The following HSPA12A variants were observed in gnomAD, a reference collection of about 807,000 sequenced individuals.
HSPA12A encodes the protein heat shock 70 kDa protein 12A.
HSPA12A carries 28 observed loss-of-function variants against 69.2 expected under a neutral mutation model. The observed-to-expected ratio is 0.40, with a 90% CI of 0.30 to 0.55. The LOEUF (loss-of-function observed/expected upper bound fraction) is 0.55, where lower values mean the gene tolerates loss of function less well. Ranked by LOEUF, HSPA12A falls within the 20% of genes least tolerant of loss-of-function variation. The pLI is 0.38. For missense variants in HSPA12A, 686 were observed against 900.7 expected, an observed-to-expected ratio of 0.76 and a Z score of 3.05; for synonymous variants, 345 against 370.5, an observed-to-expected ratio of 0.93 and a Z score of 0.79.
chr10:116,753,826 G>A (rs782719503), intron 2 of HSPA12A, among the ~76,000 whole-genome samples: 3 of 152,268 alleles, frequency 2.0e-5, no homozygotes, highest in East Asian at 1.9e-4. Context: ...AGTCTGGCAC[G>A]TGGTACCCAC....
At chr10:116,846,336 T>TTTTTTTTG (rs1297468852) in intron 1 of HSPA12A, among the ~76,000 whole-genome samples, 6 of 151,424 alleles carry the variant, frequency 4.0e-5, no homozygotes, top group Non-Finnish European at 7.4e-5. Flanking sequence ...CTTTTCTTTT[T>TTTTTTTTG]TTTTTTTGTT....
intron 4 of HSPA12A, among the ~76,000 whole-genome samples, chr10:116,700,282 C>T (rs192084118): frequency 5.3e-5 from 8 of 152,290 alleles, no homozygotes; most frequent in Admixed American, 4.6e-4. Flanking sequence ...GAATAAAATG[C>T]TTAACTCAAA....
At chr10:116,792,193 A>G (rs1226951518) in intron 2 of HSPA12A, among the ~76,000 whole-genome samples, 1 of 145,448 alleles carries the variant, frequency 6.9e-6, no homozygotes, top group East Asian at 2.1e-4. Flanking sequence ...TCACGTAAGC[A>G]TGTGAGTGGG....
chr10:116,695,539 G>C (rs539369274), intron 5 of HSPA12A, among the ~76,000 whole-genome samples: 1 of 151,076 alleles, frequency 6.6e-6, no homozygotes, highest in South Asian at 2.1e-4. Context: ...AAAATTGGCC[G>C]GGCGCGGTGG....
chr10:116,705,173 G>A lies in HSPA12A; in HGVS notation c.232C>T (p.Pro78Ser), dbSNP rs1564787694. Residue 78 changes from proline (P) to serine (S), a missense_variant, in exon 3 of 12, where the codon CCG becomes TCG. By Grantham distance (74) the Pro-to-Ser change is moderately conservative (BLOSUM62 -1). Coordinates refer to ENST00000369209, the MANE Select transcript of HSPA12A (RefSeq NM_025015.3). ...SGYAYSFTKE[P>S]ECIHVMRRWE... ...CACCTCATCACATGGATGCATTCCG[G>A]CTCCTTGGTGAAGCTGTAGGCATAG... The A allele has an allele frequency of 6.2e-7, 1 of 1,614,178 alleles. No homozygotes were observed. Among genetic ancestry groups the A allele is most frequent in the Admixed American group, 1.7e-5 (1 of 60,036 alleles).
At chr10:116,826,891 C>G (rs575785999) in intron 2 of HSPA12A, among the ~76,000 whole-genome samples, 1 of 152,132 alleles carries the variant, frequency 6.6e-6, no homozygotes, top group Non-Finnish European at 1.5e-5. Context: ...CTCCTAAAAC[C>G]CAATGAGGCG....
chr10:116,761,316 T>A, intron 2 of HSPA12A, among the ~76,000 whole-genome samples: 1 of 152,000 alleles, frequency 6.6e-6, no homozygotes, highest in East Asian at 1.9e-4. Flanking sequence ...TGAAACACCG[T>A]CTCTACTAAA....
In HSPA12A at chr10:116,753,291, G is replaced by A. The variant is rs569907017; in HGVS notation, c.92-46006C>T. On this transcript the variant is annotated intron_variant, in intron 2 of 12. Coordinates refer to the HSPA12A transcript ENST00000635765. ...CTGTGTCCCATTCAGCCTCTTTCCA[G>A]GACATCCCTCTTCCTGGGTAAGGAC... is the stretch of plus-strand genomic sequence containing the variant. Among the ~76,000 whole-genome samples the A allele has an allele frequency of 4.6e-5, 7 of 152,272 alleles. No homozygotes were observed. In the South Asian group the frequency reaches 1.4e-3, roughly 32 times the overall value.
Position 116,681,841 on chromosome 10 carries a change from G to T in HSPA12A, c.872C>A (p.Thr291Asn), listed in dbSNP as rs782415580. Residue 291 changes from threonine to asparagine, a missense_variant, in exon 8 of 12, where the codon ACC becomes AAC. Transcript: ENST00000369209. ...EHIRRNRQSR[T>N]FLVENVIGEI... ...TCCTATGACATTCTCCACCAAAAAG[G>T]TCCGACTCTGCCGATTACGCCGTAT... 6.2e-7 allele frequency: 1 copy of T among 1,614,100 alleles called. No homozygotes were observed. Among genetic ancestry groups the T allele is most frequent in the South Asian group, 1.1e-5 (1 of 91,072 alleles).
intron 2 of HSPA12A, among the ~76,000 whole-genome samples, chr10:116,767,886 CACGTGT>C (rs1295873803): frequency 3.9e-5 from 6 of 152,290 alleles, no homozygotes; most frequent in African/African-American, 1.2e-4. Context: ...CTCTTCTAAT[CACGTGT>C]ACCCCCAGTA....
chr10:116,813,512 G>A (rs1334933064), intron 2 of HSPA12A, among the ~76,000 whole-genome samples: 1 of 151,960 alleles, frequency 6.6e-6, no homozygotes, highest in African/African-American at 2.4e-5. Flanking sequence ...CTCCCAAAGT[G>A]CTGGGATTAC....
intron 2 of HSPA12A, chr10:116,834,845 C>T (rs990927225): frequency 1.5e-6 from 1 of 670,756 alleles, no homozygotes; most frequent in Non-Finnish European, 2.1e-6. Flanking sequence ...CAGTTTTAAA[C>T]ATACCTAGTC....
chr10:116,757,759 G>A (rs562931872), intron 2 of HSPA12A, among the ~76,000 whole-genome samples: 4 of 152,250 alleles, frequency 2.6e-5, no homozygotes, highest in African/African-American at 9.6e-5. Context: ...AAGATTAAAC[G>A]AGTTCATACA....
chr10:116,700,724 C>T (rs902343525), intron 4 of HSPA12A, among the ~76,000 whole-genome samples: 3 of 152,190 alleles, frequency 2.0e-5, no homozygotes, highest in African/African-American at 7.2e-5. Context: ...TTCAGAATAT[C>T]TCCCTGCCCA....
intron 2 of HSPA12A, 83 bp from the exon 3 acceptor site, chr10:116,705,361 C>A: frequency 6.7e-7 from 1 of 1,489,866 alleles, no homozygotes; most frequent in Non-Finnish European, 9.3e-7. Context: ...TCTCACCTTG[C>A]CTAGCTGTGA....
In HSPA12A at chr10:116,839,921, T is replaced by C. The variant is rs536111586; in HGVS notation, c.4-4899A>G. ...AAGAAGGTTAGTGCCTTTTTTTTTTTCTTTAGTATTGGGGCTTGAAAGAAT... is the reference window on the plus strand; with the variant it reads ...AAGAAGGTTAGTGCCTTTTTTTTTTCCTTTAGTATTGGGGCTTGAAAGAAT... On this transcript the variant is annotated intron_variant, in intron 1 of 12. Coordinates refer to the HSPA12A transcript ENST00000635765. Among the ~76,000 whole-genome samples the C allele has an allele frequency of 7.7e-4, 117 of 152,142 alleles. 1 individual carries two copies. Among genetic ancestry groups the C allele is most frequent in the African/African-American group, 2.8e-3 (116 of 41,522 alleles).
chr10:116,760,139 C>A (rs1217056577), intron 2 of HSPA12A, among the ~76,000 whole-genome samples: 2 of 152,208 alleles, frequency 1.3e-5, no homozygotes, highest in Non-Finnish European at 2.9e-5. Context: ...GAAGGATGAG[C>A]TCTTCCTTGA....
At chr10:116,774,529 G>C (rs1554890899) in intron 2 of HSPA12A, among the ~76,000 whole-genome samples, 1 of 152,130 alleles carries the variant, frequency 6.6e-6, no homozygotes, top group Non-Finnish European at 1.5e-5. Context: ...TCACACTCTT[G>C]CCAAAGTGTG....
At chr10:116,804,122 C>A (rs1481051644) in intron 2 of HSPA12A, among the ~76,000 whole-genome samples, 1 of 152,150 alleles carries the variant, frequency 6.6e-6, no homozygotes, top group Non-Finnish European at 1.5e-5. Flanking sequence ...TGCTTCCCTC[C>A]CTCCCTCTTG....
Sources: gnomAD v4.1 joint callset for allele counts (sites outside exome capture counted in the v4.1 genomes callset) on GRCh38, gnomAD v4.1.1 for gene constraint, MANE v1.5 for transcripts, NCBI Gene and HGNC (gene_info 2026-07-23, HGNC 2026-07-21) for gene names.